Variants in CASTOR2 observed in about 807,000 individuals in gnomAD.
CASTOR2 encodes the protein cytosolic arginine sensor for mTORC1 subunit 2.
A neutral mutation model predicts 31.2 loss-of-function variants in CASTOR2; 8 were observed. The observed-to-expected ratio is 0.26, with a 90% CI of 0.15 to 0.46. CASTOR2 has a LOEUF of 0.46. Ranked by LOEUF, CASTOR2 falls within the 20% of genes least tolerant of loss-of-function variation. CASTOR2 has a pLI of 0.99. For synonymous variants in CASTOR2, 162 were observed against 158.7 expected (o/e 1.02, Z -0.16); for missense variants, 216 against 382.1 (o/e 0.57, Z 3.62).
chr7:74,974,917 C>T (rs1317417145), intron 1 of CASTOR2, among the ~76,000 whole-genome samples: 4 of 144,870 alleles, frequency 2.8e-5, no homozygotes, highest in Non-Finnish European at 4.5e-5. Context: ...TGTCTACTCC[C>T]TTCCCAACAC....
At chr7:75,023,619 T>A (rs1805059485) in intron 7 of CASTOR2, among the ~76,000 whole-genome samples, 1 of 151,940 alleles carries the variant, frequency 6.6e-6, no homozygotes. Context: ...CTTGTAGTTT[T>A]AGTAGAGATG....
At chr7:74,986,139 A>G (rs1477440316) in intron 1 of CASTOR2, among the ~76,000 whole-genome samples, 1 of 151,048 alleles carries the variant, frequency 6.6e-6, no homozygotes. Context: ...CACGTTGGCC[A>G]GGCTGGTCTT....
In CASTOR2 at chr7:75,028,591, G is replaced by C. The variant is rs1805208049; in HGVS notation, c.*3892G>C. ...CCAGTGGGAGCTGAAGGATGGGGAG[G>C]AACAGAGCAGTGACCACCCCTCCCT... On this transcript the variant is annotated 3_prime_UTR_variant, in exon 9 of 9. Transcript: ENST00000616305. 6.6e-6 allele frequency among the ~76,000 whole-genome samples: 1 copy of C among 152,082 alleles called. No homozygotes were observed. Among genetic ancestry groups the C allele is most frequent in the Admixed American group, 6.6e-5 (1 of 15,254 alleles).
chr7:75,018,082 G>C lies in CASTOR2; in HGVS notation c.471G>C (p.Glu157Asp). ...RVVNGETVAAENLGITNGFVK... is the reference protein window; with the variant it reads ...RVVNGETVAADNLGITNGFVK... ...TCAATGGCGAGACCGTGGCAGCCGA[G>C]AACCTCGGCATCACCAATGGCTTCG... The change falls in exon 4 of 9, where the codon GAG becomes GAC. Residue 157 changes from glutamate (E) to aspartate (D), a missense_variant. By Grantham distance (45) the Glu-to-Asp change is conservative. Around this residue, in one of 5 missense-constraint regions of CASTOR2, gnomAD observed 114 missense variants for 194.2 expected, o/e 0.59. Coordinates refer to ENST00000616305, the MANE Select transcript of CASTOR2 (RefSeq NM_001145064.3). 1 of 1,614,144 alleles carries C rather than the reference G, an allele frequency of 6.2e-7. No homozygotes were observed. Among genetic ancestry groups the C allele is most frequent in the Non-Finnish European group, 8.5e-7 (1 of 1,179,976 alleles).
chr7:74,974,320 G>A (rs1383388082), intron 1 of CASTOR2, among the ~76,000 whole-genome samples: 1 of 148,980 alleles, frequency 6.7e-6, no homozygotes, highest in Non-Finnish European at 1.5e-5. Flanking sequence ...GTGTATACCT[G>A]CTGTAGGCAG....
Position 75,021,168 on chromosome 7 carries a change from T to G in CASTOR2, c.747-706T>G, listed in dbSNP as rs1010246706. Among the ~76,000 whole-genome samples, 1,358 of 152,216 alleles carry G rather than the reference T, an allele frequency of 8.9e-3. 12 individuals carry two copies. Among genetic ancestry groups the G allele is most frequent in the Non-Finnish European group, 0.016 (1,077 of 68,004 alleles). On this transcript the variant is annotated intron_variant, in intron 6 of 8. Transcript: ENST00000616305. ...CACCATACCCTGTTTATTTTTGTAT[T>G]TTTTGTAGAGACAGGGTTTTGCCAT...
chr7:74,993,232 C>A (rs1804254296), intron 1 of CASTOR2, among the ~76,000 whole-genome samples: 1 of 151,964 alleles, frequency 6.6e-6, no homozygotes, highest in Non-Finnish European at 1.5e-5. Context: ...GCACATAGAG[C>A]TTCTAGAAGT....
intron 1 of CASTOR2, among the ~76,000 whole-genome samples, chr7:74,983,543 C>A (rs587728845): frequency 1.3e-5 from 2 of 150,678 alleles, no homozygotes; most frequent in African/African-American, 2.5e-5. Flanking sequence ...TGAGATCTTA[C>A]AGAGAAAGTG....
chr7:74,987,362 G>A (rs1157603501), intron 1 of CASTOR2, among the ~76,000 whole-genome samples: 8 of 150,102 alleles, frequency 5.3e-5, no homozygotes, highest in Admixed American at 1.3e-4. Flanking sequence ...CCAAGATCAC[G>A]CCTCCAGCCT....
At chr7:75,015,817 AG>A in intron 2 of CASTOR2, among the ~76,000 whole-genome samples, 1 of 152,054 alleles carries the variant, frequency 6.6e-6, no homozygotes, top group Non-Finnish European at 1.5e-5. Flanking sequence ...TTGTAATCCC[AG>A]CCCTTTGAGA....
Position 75,019,961 on chromosome 7 carries a change from GC to G in CASTOR2, c.636-75del, listed in dbSNP as rs1246355369. 33 of 1,397,130 alleles carry G rather than the reference GC, an allele frequency of 2.4e-5. No individual in the cohort carries two copies. In the East Asian group the frequency reaches 7.7e-4, roughly 33 times the overall value. The allele number at this position is 1,397,130 out of a possible 1,614,324, so 86.5% of individuals were successfully genotyped here. The stretch of plus-strand genomic sequence containing the variant: ...CAGGTGGCATCAAAGCCTGGGCAGG[GC>G]CCAGCTTCCCTGGGCTGGTGTGAAT... On this transcript the variant is annotated intron_variant, in intron 5 of 8. Transcript: ENST00000616305.
Position 75,029,387 on chromosome 7 carries a change from A to G in CASTOR2, c.*4688A>G. Among the ~76,000 whole-genome samples the G allele has an allele frequency of 7.1e-6, 1 of 140,678 alleles. No homozygotes were observed. The highest frequency in any genetic ancestry group is 1.5e-5 in the Non-Finnish European group (1 of 65,332). 92.3% of individuals were successfully genotyped at this position (140,678 alleles called of 152,430 possible). On this transcript the variant is annotated 3_prime_UTR_variant, in exon 9 of 9. Transcript: ENST00000616305. Reference sequence around the variant, plus strand: ...CTTTTTTTTTTTTTTTTTTTGAGACAGGCTGGAGTGCAGTGGTGCGATCTC... The same window carrying G: ...CTTTTTTTTTTTTTTTTTTTGAGACGGGCTGGAGTGCAGTGGTGCGATCTC...
chr7:75,003,262 C>G (rs1237088294), intron 1 of CASTOR2, among the ~76,000 whole-genome samples: 1 of 152,102 alleles, frequency 6.6e-6, no homozygotes, highest in Admixed American at 6.6e-5. Context: ...GTCGGGGCAA[C>G]ATAGTGAGAC....
intron 1 of CASTOR2, among the ~76,000 whole-genome samples, chr7:75,003,730 CAG>C (rs1457136458): frequency 1.3e-5 from 2 of 151,708 alleles, no homozygotes; most frequent in Non-Finnish European, 2.9e-5. Flanking sequence ...GCCTGGGTAA[CAG>C]AGCGAGACTC....
chr7:74,992,973 G>A (rs1326644129), intron 1 of CASTOR2, among the ~76,000 whole-genome samples: 2 of 152,088 alleles, frequency 1.3e-5, no homozygotes, highest in Admixed American at 6.6e-5. Context: ...GGCCGAGGCA[G>A]GTGGATCATG....
chr7:75,022,147 G>A (rs986597857), intron 7 of CASTOR2, among the ~76,000 whole-genome samples, 191 bp downstream of exon 7: 5 of 152,288 alleles, frequency 3.3e-5, no homozygotes, highest in South Asian at 4.1e-4. Context: ...GAAGTGCGGA[G>A]CAGGCTTCAA....
At chr7:75,020,265 C>A (rs587687910) in intron 6 of CASTOR2, 116 bp downstream of exon 6, 2 of 1,030,404 alleles carry the variant, frequency 1.9e-6, no homozygotes, top group South Asian at 1.5e-5. Flanking sequence ...TTTTTTGATA[C>A]GGGGTCTCGC....
At chr7:75,018,196 T>C in intron 4 of CASTOR2, 74 bp downstream of exon 4, 1 of 1,569,554 alleles carries the variant, frequency 6.4e-7, no homozygotes, top group Non-Finnish European at 8.6e-7. Flanking sequence ...CCAGCCTTAC[T>C]CTCAGCACGG....
rs1367698862 is a variant in CASTOR2 at position 75,009,202 on chromosome 7, C to T, written c.184+1138C>T. The stretch of plus-strand genomic sequence containing the variant: ...TGATCTCCTGACCTCATGATCCACC[C>T]GCCTCGTCCTCCCAAAGTGCTGAGA... On this transcript the variant is annotated intron_variant, in intron 2 of 8. Coordinates refer to ENST00000616305, the MANE Select transcript of CASTOR2 (RefSeq NM_001145064.3). Among the ~76,000 whole-genome samples the T allele has an allele frequency of 4.0e-5, 6 of 151,204 alleles. No individual in the cohort carries two copies. The South Asian group carries it at 6.3e-4, about 16-fold the overall frequency.
Sources: gnomAD v4.1 joint callset for allele counts (sites outside exome capture counted in the v4.1 genomes callset) on GRCh38, gnomAD v4.1.1 for gene constraint, gnomAD v4.1.1 regional missense constraint, MANE v1.5 for transcripts, NCBI Gene and HGNC (gene_info 2026-07-23, HGNC 2026-07-21) for gene names.